The following SAP130 variants were observed in gnomAD, a reference collection of about 807,000 sequenced individuals.
The protein encoded by SAP130 is Sin3A associated protein 130, also known as histone deacetylase complex subunit SAP130.
In SAP130, 16 loss-of-function variants were observed where a neutral mutation model predicts 103.2. That is an observed-to-expected ratio of 0.16 (90% CI 0.10 to 0.24). The LOEUF (loss-of-function observed/expected upper bound fraction) is 0.24. Ranked by LOEUF, SAP130 falls within the 10% of genes least tolerant of loss-of-function variation. The pLI is 1.00. For synonymous variants in SAP130, 477 were observed against 497.0 expected (o/e 0.96, Z 0.53); for missense variants, 990 against 1,359.7 (o/e 0.73, Z 4.28).
At chr2:127,984,353 C>T (rs887056506) in intron 14 of SAP130, among the ~76,000 whole-genome samples, 1 of 152,248 alleles carries the variant, frequency 6.6e-6, no homozygotes, top group East Asian at 1.9e-4. Flanking sequence ...GCCTCTACAT[C>T]TTCCAAGGTG....
intron 15 of SAP130, among the ~76,000 whole-genome samples, chr2:127,963,840 T>C (rs2104820335): frequency 6.6e-6 from 1 of 152,338 alleles, no homozygotes; most frequent in South Asian, 2.1e-4. Context: ...CCTTCTGCCA[T>C]GAATGTGGGG....
At position 128,013,016 on chromosome 2, in the gene SAP130, A is replaced by G; in HGVS notation, c.744+14T>C. The G allele has an allele frequency of 6.2e-7, 1 of 1,601,484 alleles. No individual in the cohort carries two copies. The highest frequency in any genetic ancestry group is 8.5e-7 in the Non-Finnish European group (1 of 1,173,770). Reference sequence around the variant, plus strand: ...TCCAATGAGGCCCTTAATGCACCCCAGGCTCCGACGTGCCTGGATTGGTTG... The same window carrying G: ...TCCAATGAGGCCCTTAATGCACCCCGGGCTCCGACGTGCCTGGATTGGTTG... On this transcript the variant is annotated intron_variant, in intron 6 of 20. Transcript: ENST00000643581.
At chr2:127,999,987 TGAAAAA>T (rs1683437715) in intron 9 of SAP130, 63 bp downstream of exon 9, 1 of 1,515,122 alleles carries the variant, frequency 6.6e-7, no homozygotes. Context: ...AGGTGAGAAA[TGAAAAA>T]TTAACCCATC....
At chr2:127,975,599 T>C (rs1180009097) in intron 15 of SAP130, among the ~76,000 whole-genome samples, 1 of 152,212 alleles carries the variant, frequency 6.6e-6, no homozygotes, top group African/African-American at 2.4e-5. Context: ...GGCTGAAGCG[T>C]TGAAGTTAGC....
chr2:127,951,633 AT>A (rs1178351766), intron 16 of SAP130, among the ~76,000 whole-genome samples: 1 of 151,970 alleles, frequency 6.6e-6, no homozygotes, highest in Non-Finnish European at 1.5e-5. Context: ...TTCTTCCTTC[AT>A]TGTCCCTTCC....
chr2:128,018,603 G>A (rs1684947595), intron 2 of SAP130, among the ~76,000 whole-genome samples: 1 of 151,664 alleles, frequency 6.6e-6, no homozygotes, highest in South Asian at 2.1e-4. Context: ...ACCAGCCTTG[G>A]CAACACAGTA....
In SAP130 at chr2:127,986,817, T is replaced by C. The variant is rs1276761143; in HGVS notation, c.1926A>G (p.Pro642=). The C allele has an allele frequency of 1.2e-6, 2 of 1,614,198 alleles. No homozygotes were observed. Among genetic ancestry groups the C allele is most frequent in the South Asian group, 1.1e-5 (1 of 91,080 alleles). The part of the protein sequence containing the change: ...NAPAQGSSPR[P]SILRKKPATD... ...TGGCAGGTTTCTTCCGGAGTATGCT[T>C]GGCCGTGGCGATGAGCCCTGGGCGG... is the stretch of plus-strand genomic sequence containing the variant. The change falls in exon 14 of 21, where the codon CCA becomes CCG. Residue 642 remains proline, a synonymous_variant. Coordinates refer to ENST00000643581, the MANE Select transcript of SAP130 (RefSeq NM_001330301.2). The surrounding 1 kb of genome is among the most constrained non-coding windows in gnomAD (Gnocchi z 4.7).
chr2:128,016,476 G>C lies in SAP130; in HGVS notation c.420C>G (p.Pro140=). 1 of 1,613,898 alleles carries C rather than the reference G, an allele frequency of 6.2e-7. No homozygotes were observed. Among genetic ancestry groups the C allele is most frequent in the Admixed American group, 1.7e-5 (1 of 59,982 alleles). ...PAPPSTLSLP[P]KVPGQVTVTM... ...TAACGGTAACCTGCCCTGGAACCTT[G>C]GGGGGAAGTGACAGGGTAGAAGGTG... Residue 140 remains proline (P), a synonymous_variant, in exon 4 of 21, where the codon CCC becomes CCG. Transcript: ENST00000643581.
chr2:127,985,224 C>T (rs1417826917), intron 14 of SAP130, among the ~76,000 whole-genome samples: 1 of 152,184 alleles, frequency 6.6e-6, no homozygotes, highest in Non-Finnish European at 1.5e-5. Flanking sequence ...TCATCTTAAC[C>T]ACAAGCTTTG....
At chr2:127,987,515 TCA>T (rs1374867210) in intron 13 of SAP130, among the ~76,000 whole-genome samples, 3 of 152,080 alleles carry the variant, frequency 2.0e-5, no homozygotes, top group Non-Finnish European at 4.4e-5. Flanking sequence ...TGCTCTATAA[TCA>T]CAGTTACTAA....
chr2:128,024,318 G>GA (rs397692844), intron 2 of SAP130, among the ~76,000 whole-genome samples: 29 of 143,310 alleles, frequency 2.0e-4, no homozygotes, highest in African/African-American at 1.8e-4. Flanking sequence ...ATCTCCATTG[G>GA]AAAAAAAAAA....
chr2:128,001,341 G>C (rs1348218811), intron 7 of SAP130, among the ~76,000 whole-genome samples: 2 of 152,228 alleles, frequency 1.3e-5, no homozygotes, highest in African/African-American at 2.4e-5. Context: ...GAGCTCTCCA[G>C]CCTGGGCGAC....
chr2:127,966,011 G>A (rs759921563), intron 15 of SAP130, among the ~76,000 whole-genome samples: 1 of 152,038 alleles, frequency 6.6e-6, no homozygotes, highest in African/African-American at 2.4e-5. Flanking sequence ...GAGTCTTAAT[G>A]CTACATTATT....
At chr2:127,974,968 C>G (rs527298967) in intron 15 of SAP130, among the ~76,000 whole-genome samples, 47 of 152,236 alleles carry the variant, frequency 3.1e-4, no homozygotes, top group African/African-American at 1.1e-3. Context: ...TGCAGTAGGC[C>G]ATCCCATATA....
At chr2:128,014,666 T>C in intron 5 of SAP130, 137 bp downstream of exon 5, 1 of 648,708 alleles carries the variant, frequency 1.5e-6, no homozygotes, top group Admixed American at 2.9e-5. Context: ...AAGAGGTTTA[T>C]TTGGTTCACG....
At chr2:128,017,961 T>A (rs1194952517) in intron 2 of SAP130, 46 bp from the exon 3 acceptor site, 34 of 1,488,296 alleles carry the variant, frequency 2.3e-5, no homozygotes, top group Non-Finnish European at 3.2e-5. Flanking sequence ...AGTCTCCCAG[T>A]GTAAGATAGC....
intron 15 of SAP130, among the ~76,000 whole-genome samples, chr2:127,958,413 C>CA (rs1679992121): frequency 6.6e-6 from 1 of 152,134 alleles, no homozygotes; most frequent in Non-Finnish European, 1.5e-5. Flanking sequence ...GACTCCGTCT[C>CA]AAAAAACAAC....
At chr2:128,003,005 T>C (rs1683676166) in intron 7 of SAP130, among the ~76,000 whole-genome samples, 1 of 151,976 alleles carries the variant, frequency 6.6e-6, no homozygotes, top group South Asian at 2.1e-4. Flanking sequence ...CACACACCTG[T>C]AGTCTCAGCT....
intron 15 of SAP130, among the ~76,000 whole-genome samples, chr2:127,961,525 T>C (rs1680246821): frequency 6.6e-6 from 1 of 152,022 alleles, no homozygotes. Flanking sequence ...TGCTTTTTTT[T>C]TTTTTTTTGA....
Sources: allele counts gnomAD v4.1 joint callset (sites outside exome capture counted in the v4.1 genomes callset), GRCh38; gene constraint gnomAD v4.1.1; non-coding constraint Gnocchi (gnomAD v3.1); transcripts MANE v1.5; gene names NCBI Gene and HGNC (gene_info 2026-07-23, HGNC 2026-07-21).